GRM1: variants seen among roughly 807,000 people sequenced by gnomAD.
The protein encoded by GRM1 is metabotropic glutamate receptor 1.
In GRM1, 33 loss-of-function variants were observed where a neutral mutation model predicts 90.9. The ratio of observed to expected loss-of-function variants is 0.36; its 90% CI spans 0.28 to 0.49. The LOEUF is 0.49. Ranked by LOEUF, GRM1 falls within the 20% of genes least tolerant of loss-of-function variation. GRM1 has a pLI of 0.99. For missense variants in GRM1, 1,190 were observed against 1,534.3 expected (o/e 0.78, Z 3.75); for synonymous variants, 700 against 613.2 (o/e 1.14, Z -2.09).
intron 1 of GRM1, among the ~76,000 whole-genome samples, chr6:146,115,334 T>C (rs1003757695): frequency 6.6e-6 from 1 of 152,080 alleles, no homozygotes; most frequent in African/African-American, 2.4e-5. Flanking sequence ...ATTATATATG[T>C]ATAGTCTCTC....
chr6:146,041,773 G>A (rs1582915480), intron 1 of GRM1, among the ~76,000 whole-genome samples: 1 of 152,026 alleles, frequency 6.6e-6, no homozygotes, highest in Non-Finnish European at 1.5e-5. Context: ...ACACTAGATA[G>A]TTGTTTTTGG....
At chr6:146,200,060 C>G (rs1447881141) in intron 2 of GRM1, among the ~76,000 whole-genome samples, 1 of 152,138 alleles carries the variant, frequency 6.6e-6, no homozygotes, top group African/African-American at 2.4e-5. Context: ...AGGCATCCAT[C>G]CAAATGTCTT....
intron 3 of GRM1, among the ~76,000 whole-genome samples, chr6:146,312,349 CAAAAAA>C (rs1166008558): frequency 4.2e-4 from 9 of 21,336 alleles, no homozygotes; most frequent in Admixed American, 8.4e-4. Context: ...AACTCCGTCT[CAAAAAA>C]AAAAAAAAAA....
chr6:146,040,793 G>A (rs1264599456), intron 1 of GRM1, among the ~76,000 whole-genome samples: 4 of 151,888 alleles, frequency 2.6e-5, no homozygotes, highest in African/African-American at 9.7e-5. Flanking sequence ...TTTCTCTAGG[G>A]TTGGGGAGTT....
chr6:146,196,937 A>T (rs1363337806), intron 2 of GRM1, among the ~76,000 whole-genome samples: 3 of 152,238 alleles, frequency 2.0e-5, no homozygotes, highest in African/African-American at 7.2e-5. Flanking sequence ...ACAAAAAGAT[A>T]GTAAAATAAG....
intron 4 of GRM1, among the ~76,000 whole-genome samples, chr6:146,357,044 G>A (rs544436026): frequency 6.6e-6 from 1 of 152,156 alleles, no homozygotes; most frequent in Non-Finnish European, 1.5e-5. Context: ...AATTAAAGAT[G>A]CCTTTCTCAG....
chr6:146,078,436 G>A (rs989820323), intron 1 of GRM1, among the ~76,000 whole-genome samples: 5 of 152,166 alleles, frequency 3.3e-5, no homozygotes, highest in Non-Finnish European at 4.4e-5. Flanking sequence ...TGGCTGTTCA[G>A]CACAAGTGCT....
intron 7 of GRM1, among the ~76,000 whole-genome samples, chr6:146,414,836 T>A (rs1456141834): frequency 6.6e-6 from 1 of 152,252 alleles, no homozygotes; most frequent in Non-Finnish European, 1.5e-5. Flanking sequence ...TTAATTTTGA[T>A]GAAGTCCAAT....
intron 1 of GRM1, among the ~76,000 whole-genome samples, chr6:146,146,289 G>C (rs577025607): frequency 6.6e-6 from 1 of 151,126 alleles, no homozygotes; most frequent in Admixed American, 6.6e-5. Flanking sequence ...GGATTTCACC[G>C]TGTTAGCCAA....
intron 3 of GRM1, among the ~76,000 whole-genome samples, chr6:146,348,694 G>A (rs905264629): frequency 3.9e-5 from 6 of 152,204 alleles, no homozygotes; most frequent in Admixed American, 3.3e-4. Flanking sequence ...GTCATCATTT[G>A]CTGTTGGTAG....
In GRM1 at chr6:146,157,108, A is replaced by G. The variant is rs533078092; in HGVS notation, c.701-2240A>G. On this transcript the variant is annotated intron_variant, in intron 1 of 7. Transcript: ENST00000282753. ...TGCATGTGACAGAGTGGGAGTACCT[A>G]TGGTGAGAGTATAGATGAAAAAGAC... Among the ~76,000 whole-genome samples, 6 of 152,344 alleles carry G rather than the reference A, an allele frequency of 3.9e-5. No individual in the cohort carries two copies. The South Asian group carries it at 1.2e-3, about 32-fold the overall frequency.
intron 1 of GRM1, among the ~76,000 whole-genome samples, chr6:146,151,427 A>G (rs1583076153): frequency 6.6e-6 from 1 of 152,218 alleles, no homozygotes; most frequent in Middle Eastern, 3.2e-3. Flanking sequence ...GATGGCTGAA[A>G]TGTTACTTGA....
At chr6:146,415,335 A>C (rs1051689961) in intron 7 of GRM1, among the ~76,000 whole-genome samples, 14 of 152,296 alleles carry the variant, frequency 9.2e-5, no homozygotes, top group African/African-American at 3.1e-4. Flanking sequence ...ATATCATCAC[A>C]CTGGGAGTTA....
At chr6:146,359,269 A>G (rs970182696) in intron 5 of GRM1, among the ~76,000 whole-genome samples, 2 of 152,190 alleles carry the variant, frequency 1.3e-5, no homozygotes, top group South Asian at 2.1e-4. Flanking sequence ...GCCTGTTATC[A>G]TGAGATGCCA....
chr6:146,199,317 G>A (rs1337362244), intron 2 of GRM1, among the ~76,000 whole-genome samples: 1 of 152,126 alleles, frequency 6.6e-6, no homozygotes, highest in Non-Finnish European at 1.5e-5. Flanking sequence ...AGCACATTCA[G>A]CATTGGTCAT....
At chr6:146,028,269 G>GTGTGTGTGTGTA (rs1554258667), upstream of GRM1, among the ~76,000 whole-genome samples, 3 of 147,190 alleles carry the variant, frequency 2.0e-5, no homozygotes, top group Admixed American at 6.7e-5. Flanking sequence ...GTGTGTGTGT[G>GTGTGTGTGTGTA]TGTGTGTGTA....
At chr6:146,414,250 T>G (rs1777679508) in intron 7 of GRM1, among the ~76,000 whole-genome samples, 1 of 152,110 alleles carries the variant, frequency 6.6e-6, no homozygotes, top group Non-Finnish European at 1.5e-5. Flanking sequence ...AATTATAGTT[T>G]CCATTTGCAT....
At chr6:146,239,425 G>T (rs1483809953) in intron 2 of GRM1, among the ~76,000 whole-genome samples, 1 of 152,120 alleles carries the variant, frequency 6.6e-6, no homozygotes, top group Non-Finnish European at 1.5e-5. Flanking sequence ...ATAACTATCT[G>T]GTTTGGGGTC....
intron 1 of GRM1, among the ~76,000 whole-genome samples, chr6:146,111,918 G>A (rs1388527003): frequency 1.2e-4 from 18 of 152,112 alleles, no homozygotes; most frequent in Admixed American, 1.1e-3. Flanking sequence ...GCTTTCATAT[G>A]TGTTTTATTA....
Sources: allele counts gnomAD v4.1 joint callset (sites outside exome capture counted in the v4.1 genomes callset), GRCh38; gene constraint gnomAD v4.1.1; transcripts MANE v1.5; gene names NCBI Gene and HGNC (gene_info 2026-07-23, HGNC 2026-07-21).